Variants in TMTC4 observed in about 807,000 individuals in gnomAD.
TMTC4 encodes protein O-mannosyl-transferase TMTC4.
Under a neutral mutation model 86.0 loss-of-function variants are expected in TMTC4, and 65 were observed. That is an observed-to-expected ratio of 0.76 (90% CI 0.62 to 0.93). The LOEUF (loss-of-function observed/expected upper bound fraction) is 0.93. Among genes scored for constraint, TMTC4 ranks in the 40% least tolerant of loss-of-function variants. TMTC4 has a pLI of 0.00. For missense variants in TMTC4, 866 were observed against 948.1 expected (o/e 0.91, Z 1.14); for synonymous variants, 379 against 382.5 (o/e 0.99, Z 0.11).
At chr13:100,671,528 C>G (rs1042061589) in intron 1 of TMTC4, among the ~76,000 whole-genome samples, 10 of 152,198 alleles carry the variant, frequency 6.6e-5, no homozygotes, top group African/African-American at 2.4e-4. Context: ...ACCACACCAT[C>G]AACGAGATGC....
chr13:100,629,373 G>T (rs1200701202), intron 12 of TMTC4, among the ~76,000 whole-genome samples: 1 of 152,102 alleles, frequency 6.6e-6, no homozygotes. Context: ...CACCAGCTGG[G>T]AGCGGTGTTG....
chr13:100,624,887 G>A (rs9554712), intron 15 of TMTC4: 48,222 of 152,248 alleles, frequency 0.32, 9,117 homozygotes, highest in Admixed American at 0.5. Flanking sequence ...ACAACCATTC[G>A]TGTTTAAAGA....
chr13:100,669,129 TA>T (rs1187486538), intron 2 of TMTC4, among the ~76,000 whole-genome samples: 7 of 151,436 alleles, frequency 4.6e-5, no homozygotes, highest in Non-Finnish European at 1.0e-4. Context: ...TTACAAAGCT[TA>T]AAAAAAAAGT....
intron 17 of TMTC4, among the ~76,000 whole-genome samples, chr13:100,611,904 G>C (rs940702634): frequency 6.6e-6 from 1 of 152,226 alleles, no homozygotes; most frequent in African/African-American, 2.4e-5. Flanking sequence ...GAAGCAGCAA[G>C]AACCAGTCAT....
chr13:100,656,431 G>A lies in TMTC4; in HGVS notation c.590C>T (p.Ala197Val). Residue 197 changes from alanine (A) to valine (V), a missense_variant, in exon 6 of 19, where the codon GCC becomes GTC. Ala to Val is a moderately conservative substitution (Grantham distance 64). Transcript: ENST00000342624. ...AAGGAAAGATAACAAGAAGAACAGG[G>A]CACACAGGAGGTCTGCACGGCCGAC... ...GVVGRADLLC[A>V]LFFLLSFLGY... The A allele has an allele frequency of 6.2e-7, 1 of 1,612,932 alleles. No individual in the cohort carries two copies. Among genetic ancestry groups the A allele is most frequent in the Non-Finnish European group, 8.5e-7 (1 of 1,179,562 alleles).
intron 17 of TMTC4, among the ~76,000 whole-genome samples, 153 bp from the exon 18 acceptor site, chr13:100,606,580 C>A (rs148427130): frequency 6.6e-6 from 1 of 152,330 alleles, no homozygotes; most frequent in East Asian, 1.9e-4. Flanking sequence ...AGCGGGGCCA[C>A]GCTCTGCCAA....
chr13:100,635,097 T>G lies in TMTC4; in HGVS notation c.1301A>C (p.Tyr434Ser). 1 of 1,613,638 alleles carries G rather than the reference T, an allele frequency of 6.2e-7. No homozygotes were observed. Among genetic ancestry groups the G allele is most frequent in the Non-Finnish European group, 8.5e-7 (1 of 1,179,966 alleles). ...CACACAGTACCCAACGCTGGGGAGGTAGAGGACACGCTCTGCGACCACGAA... is the reference window on the plus strand; with the variant it reads ...CACACAGTACCCAACGCTGGGGAGGGAGAGGACACGCTCTGCGACCACGAA... ...VGFVVAERVL[Y>S]LPSVGYCVLL... Residue 434 changes from tyrosine to serine, a missense_variant, in exon 11 of 19, where the codon TAC becomes TCC. Coordinates refer to ENST00000342624, the MANE Select transcript of TMTC4 (RefSeq NM_032813.5).
At chr13:100,648,790 C>T (rs567615016) in intron 6 of TMTC4, among the ~76,000 whole-genome samples, 9 of 152,300 alleles carry the variant, frequency 5.9e-5, no homozygotes, top group South Asian at 4.1e-4. Context: ...AGCAATCCTC[C>T]GGCCTCAGCC....
chr13:100,647,267 T>C (rs1165146738), intron 6 of TMTC4, among the ~76,000 whole-genome samples: 1 of 152,220 alleles, frequency 6.6e-6, no homozygotes, highest in Non-Finnish European at 1.5e-5. Flanking sequence ...CATCCAGAGA[T>C]AAACAGAGCA....
chr13:100,665,880 C>T (rs1886334931), intron 3 of TMTC4: 2 of 363,678 alleles, frequency 5.5e-6, no homozygotes, highest in African/African-American at 2.1e-5. Flanking sequence ...GCACACTGAC[C>T]ACTCCCCAAG....
chr13:100,668,290 G>T, intron 3 of TMTC4: 1 of 344,792 alleles, frequency 2.9e-6, no homozygotes. Flanking sequence ...ACCCTGCAAT[G>T]CCCTTGCCTT....
At chr13:100,624,576 A>G (rs1566579513) in intron 15 of TMTC4, 3 of 7,082 alleles carry the variant, frequency 4.2e-4, no homozygotes, top group Non-Finnish European at 1.0e-3. Context: ...AAAACAAAAC[A>G]AACAAACAAA....
intron 12 of TMTC4, among the ~76,000 whole-genome samples, chr13:100,632,053 A>ACACACACACACACACACACACTCT (rs1296569630): frequency 4.6e-4 from 20 of 43,142 alleles, no homozygotes; most frequent in African/African-American, 1.4e-3. Context: ...ACACACACAC[A>ACACACACACACACACACACACTCT]CTCTCTCTCT....
At chr13:100,618,185 T>A (rs1210775974) in intron 15 of TMTC4, among the ~76,000 whole-genome samples, 2 of 152,228 alleles carry the variant, frequency 1.3e-5, no homozygotes, top group Non-Finnish European at 2.9e-5. Context: ...ACACTGACTT[T>A]GTATCCTGAA....
intron 15 of TMTC4, among the ~76,000 whole-genome samples, chr13:100,618,151 T>C (rs1258446325): frequency 6.6e-6 from 1 of 152,292 alleles, no homozygotes; most frequent in Non-Finnish European, 1.5e-5. Context: ...GTGATTGGCA[T>C]ATAGATATGT....
intron 15 of TMTC4, among the ~76,000 whole-genome samples, chr13:100,619,082 C>A (rs1879037335): frequency 1.4e-5 from 2 of 146,436 alleles, no homozygotes; most frequent in Non-Finnish European, 3.0e-5. Context: ...CAGAGGCGCC[C>A]CTCACCTCCC....
chr13:100,626,683 A>C (rs1880602178), intron 12 of TMTC4, among the ~76,000 whole-genome samples: 1 of 152,222 alleles, frequency 6.6e-6, no homozygotes, highest in African/African-American at 2.4e-5. Context: ...TAGAGTTGAG[A>C]TAACAAAGTC....
chr13:100,612,459 G>T lies in TMTC4; in HGVS notation c.2003C>A (p.Pro668His), dbSNP rs543147925. 2 of 1,612,214 alleles carry T rather than the reference G, an allele frequency of 1.2e-6. 1 individual carries two copies. Among genetic ancestry groups the T allele is most frequent in the Admixed American group, 3.4e-5 (2 of 59,582 alleles). ...AVGREALELI[P>H]NDHSLMFSLA... is the part of the protein sequence containing the mutation. ...CGAGAACATGAGAGAGTGATCATTA[G>T]GTATTAATTCCAGTGCCTCTCTTCC... The change falls in exon 17 of 19, where the codon CCT becomes CAT. Residue 668 changes from proline to histidine, a missense_variant. By Grantham distance (77) the Pro-to-His change is moderately conservative. Coordinates refer to ENST00000342624, the MANE Select transcript of TMTC4 (RefSeq NM_032813.5).
chr13:100,663,265 T>C, intron 4 of TMTC4, 85 bp from the exon 5 acceptor site: 1 of 1,206,670 alleles, frequency 8.3e-7, no homozygotes, highest in Non-Finnish European at 1.2e-6. Context: ...GGCTTGTGTG[T>C]GGAAATATTA....
Sources: gnomAD v4.1 joint callset for allele counts (sites outside exome capture counted in the v4.1 genomes callset) on GRCh38, gnomAD v4.1.1 for gene constraint, MANE v1.5 for transcripts, NCBI Gene and HGNC (gene_info 2026-07-23, HGNC 2026-07-21) for gene names.